Variants in MYO16 observed in about 807,000 individuals in gnomAD.
MYO16 encodes myosin XVI.
In MYO16, 94 loss-of-function variants were observed where a neutral mutation model predicts 205.3. That is an observed-to-expected ratio of 0.46 (90% CI 0.39 to 0.54). MYO16 has a LOEUF of 0.54. Among genes scored for constraint, MYO16 ranks in the 20% least tolerant of loss-of-function variants. The probability of loss-of-function intolerance (pLI) is 0.00; values close to 1 mark genes in which losing one functional copy is unlikely to be tolerated. For synonymous variants in MYO16, 988 were observed against 954.0 expected (o/e 1.04, Z -0.66); for missense variants, 2,315 against 2,387.5 (o/e 0.97, Z 0.63).
the MYO16 span, among the ~76,000 whole-genome samples, chr13:108,531,050 G>T: frequency 2.8e-4 from 42 of 152,224 alleles, no homozygotes; most frequent in African/African-American, 9.9e-4. Flanking sequence ...ACAAAGATCA[G>T]CCTTGCTGGT....
At chr13:108,671,024 G>A (rs952172367) in intron 2 of MYO16, among the ~76,000 whole-genome samples, 2 of 152,158 alleles carry the variant, frequency 1.3e-5, no homozygotes, top group Admixed American at 6.6e-5. Flanking sequence ...TAAAATCTAA[G>A]CAAGCAGTCA....
At chr13:108,944,890 G>A (rs887487101) in intron 16 of MYO16, among the ~76,000 whole-genome samples, 1 of 152,110 alleles carries the variant, frequency 6.6e-6, no homozygotes, top group African/African-American at 2.4e-5. Context: ...CAAAATGGCA[G>A]TAGTAATAGT....
chr13:108,670,911 C>A lies in MYO16; in HGVS notation c.292+4762C>A, dbSNP rs114729074. ...ATTAAAATCTGTTGATAACCACAGA[C>A]GCCTGGCAAGGCTTTCTTAACATGT... On this transcript the variant is annotated intron_variant, in intron 2 of 34. Coordinates refer to ENST00000457511, the MANE Select transcript of MYO16 (RefSeq NM_001198950.3). 3.1e-3 allele frequency among the ~76,000 whole-genome samples: 473 copies of A among 152,252 alleles called. 3 individuals carry two copies. Among genetic ancestry groups the A allele is most frequent in the Admixed American group, 7.1e-3 (108 of 15,282 alleles).
rs1883429093 is a variant in MYO16, at chr13:108,957,729, A to G, written c.1967A>G (p.Glu656Gly). ...QTIQDDASTG[E>G]RSLNREKLAV... ...ATACAGGATGATGCATCCACAGGGG[A>G]GCGTTCTCTGAACAGGGAGAAATTG... is the stretch of plus-strand genomic sequence containing the variant. Residue 656 changes from glutamate (E) to glycine (G), a missense_variant, in exon 17 of 35, where the codon GAG (glutamate) becomes GGG (glycine). Coordinates refer to ENST00000457511, the MANE Select transcript of MYO16 (RefSeq NM_001198950.3). The G allele has an allele frequency of 6.2e-7, 1 of 1,613,444 alleles. No homozygotes were observed. The highest frequency in any genetic ancestry group is 1.7e-5 in the Admixed American group (1 of 60,004).
chr13:108,797,074 A>T (rs1594301484), intron 6 of MYO16, among the ~76,000 whole-genome samples: 1 of 152,084 alleles, frequency 6.6e-6, no homozygotes, highest in Non-Finnish European at 1.5e-5. Flanking sequence ...GTGCAATTGG[A>T]CCTCCTAATA....
intron 2 of MYO16, among the ~76,000 whole-genome samples, chr13:108,700,240 G>T (rs1883246757): frequency 6.6e-6 from 1 of 151,142 alleles, no homozygotes; most frequent in South Asian, 2.1e-4. Flanking sequence ...GCTGAGGCAG[G>T]AGAATCTCTT....
chr13:108,992,969 T>G (rs1171992122), intron 21 of MYO16, among the ~76,000 whole-genome samples: 1 of 152,188 alleles, frequency 6.6e-6, no homozygotes, highest in African/African-American at 2.4e-5. Context: ...TATGTAGTCA[T>G]CTTAATAGCA....
At chr13:109,105,333 A>T (rs1566508530) in intron 28 of MYO16, among the ~76,000 whole-genome samples, 1 of 152,146 alleles carries the variant, frequency 6.6e-6, no homozygotes, top group Non-Finnish European at 1.5e-5. Flanking sequence ...ATAGCCAGGG[A>T]TGGTCGTGGG....
chr13:108,708,490 A>G (rs1337355665), intron 2 of MYO16, among the ~76,000 whole-genome samples: 2 of 152,248 alleles, frequency 1.3e-5, no homozygotes. Context: ...TTTCCCAGGT[A>G]ACACAAGAAC....
At chr13:108,500,220 TG>T in the MYO16 span, among the ~76,000 whole-genome samples, 53,017 of 80,100 alleles carry the variant, frequency 0.66, 22,524 homozygotes, top group Middle Eastern at 0.78. Flanking sequence ...TTTTTTTTTT[TG>T]TTTTTTTTTT....
chr13:109,001,756 C>T (rs757210386), intron 21 of MYO16, among the ~76,000 whole-genome samples: 9 of 152,056 alleles, frequency 5.9e-5, no homozygotes, highest in Non-Finnish European at 1.3e-4. Flanking sequence ...GTGTTCAAGT[C>T]CCAAAGAAGT....
intron 16 of MYO16, among the ~76,000 whole-genome samples, chr13:108,925,162 G>A (rs539816024): frequency 1.3e-5 from 2 of 152,180 alleles, no homozygotes; most frequent in East Asian, 1.9e-4. Flanking sequence ...TTCTGAAAGG[G>A]CGGCACTCTC....
intron 4 of MYO16, among the ~76,000 whole-genome samples, chr13:108,759,110 T>C (rs941960104): frequency 1.3e-5 from 2 of 152,132 alleles, no homozygotes; most frequent in African/African-American, 4.8e-5. Context: ...CAAATGAAAA[T>C]CACTCTTTGA....
intron 4 of MYO16, among the ~76,000 whole-genome samples, chr13:108,781,297 A>G (rs1178452247): frequency 1.3e-5 from 2 of 152,232 alleles, no homozygotes; most frequent in Non-Finnish European, 2.9e-5. Flanking sequence ...ATTTGAACAG[A>G]AACTGTCAGG....
chr13:108,587,446 C>T, the MYO16 span, among the ~76,000 whole-genome samples: 3 of 152,128 alleles, frequency 2.0e-5, no homozygotes, highest in African/African-American at 7.2e-5. Flanking sequence ...CTAGTTTCAT[C>T]ATCAGGGGCC....
At chr13:108,598,835 CTTTTTCTT>C (rs1275995376) in intron 1 of MYO16, among the ~76,000 whole-genome samples, 4 of 142,662 alleles carry the variant, frequency 2.8e-5, no homozygotes, top group African/African-American at 5.2e-5. Context: ...TGTAGGTATT[CTTTTTCTT>C]TTTTTCTTTT....
chr13:108,854,720 T>G (rs942146337), intron 10 of MYO16, among the ~76,000 whole-genome samples: 52 of 152,186 alleles, frequency 3.4e-4, no homozygotes, highest in African/African-American at 1.2e-3. Context: ...GAGCATGTTC[T>G]GGGTATATAA....
chr13:108,698,497 G>T (rs1314281959), intron 2 of MYO16, among the ~76,000 whole-genome samples: 2 of 152,092 alleles, frequency 1.3e-5, no homozygotes, highest in Non-Finnish European at 2.9e-5. Flanking sequence ...ACACACAAAG[G>T]CTATATGAGC....
intron 9 of MYO16, among the ~76,000 whole-genome samples, chr13:108,831,663 C>T (rs564885613): frequency 1.3e-5 from 2 of 152,278 alleles, no homozygotes; most frequent in African/African-American, 4.8e-5. Flanking sequence ...CAGGCATCCA[C>T]CACCACACCC....
Sources: gnomAD v4.1 joint callset for allele counts (sites outside exome capture counted in the v4.1 genomes callset) on GRCh38, gnomAD v4.1.1 for gene constraint, MANE v1.5 for transcripts, NCBI Gene and HGNC (gene_info 2026-07-23, HGNC 2026-07-21) for gene names.